CCDC171: variants seen among roughly 807,000 people sequenced by gnomAD.
CCDC171 encodes the protein coiled-coil domain containing 171, also known as coiled-coil domain-containing protein 171.
In CCDC171, 177 loss-of-function variants were observed where a neutral mutation model predicts 168.2. The ratio of observed to expected loss-of-function variants is 1.05; its 90% CI spans 0.93 to 1.19. CCDC171 has a LOEUF of 1.19. CCDC171 is among the 50% of genes most tolerant of loss of function. The pLI is 0.00. For synonymous variants in CCDC171, 687 were observed against 540.8 expected, an observed-to-expected ratio of 1.27 and a Z score of -3.75; for missense variants, 1,991 against 1,539.0, an observed-to-expected ratio of 1.29 and a Z score of -4.91.
chr9:15,668,253 T>G (rs998251977), intron 9 of CCDC171, among the ~76,000 whole-genome samples: 9 of 152,164 alleles, frequency 5.9e-5, no homozygotes, highest in Non-Finnish European at 1.2e-4. Context: ...GAAGAGAGTC[T>G]TATAAAGATT....
intron 12 of CCDC171, among the ~76,000 whole-genome samples, chr9:15,722,166 C>T (rs1269456602): frequency 1.3e-5 from 2 of 152,076 alleles, no homozygotes; most frequent in Admixed American, 1.3e-4. Flanking sequence ...AAACACTATG[C>T]AAGTAGTTTA....
At chr9:15,791,347 C>G (rs1016867417) in intron 21 of CCDC171, among the ~76,000 whole-genome samples, 19 of 151,956 alleles carry the variant, frequency 1.3e-4, no homozygotes, top group African/African-American at 4.4e-4. Context: ...GTATTTTATT[C>G]TCTTTGAAGC....
At chr9:15,950,727 A>G (rs1829048333) in intron 25 of CCDC171, among the ~76,000 whole-genome samples, 1 of 152,106 alleles carries the variant, frequency 6.6e-6, no homozygotes. Flanking sequence ...AATGAGCAAA[A>G]TAACCAGCTA....
intron 7 of CCDC171, among the ~76,000 whole-genome samples, chr9:15,637,810 T>G (rs1056299807): frequency 5.9e-5 from 9 of 152,154 alleles, no homozygotes; most frequent in Non-Finnish European, 2.9e-5. Flanking sequence ...CATCATTTTT[T>G]ATGGCTGCAT....
chr9:15,666,213 A>G lies in CCDC171; in HGVS notation c.966A>G (p.Gln322=). ...EGALQVEKAS[Q]AEAVADLEII... ...CTTTGCAAGTAGAGAAGGCCAGTCA[A>G]GCAGAAGCTGTTGCTGATTTGGAAA... The change falls in exon 9 of 26, where the codon CAA becomes CAG. Residue 322 remains glutamine (Q), a synonymous_variant. Transcript: ENST00000380701. The G allele has an allele frequency of 1.9e-6, 3 of 1,613,968 alleles. No individual in the cohort carries two copies. Among genetic ancestry groups the G allele is most frequent in the Non-Finnish European group, 2.5e-6 (3 of 1,179,924 alleles).
In CCDC171 at chr9:15,729,792, G is replaced by A; in HGVS notation, c.2043G>A (p.Arg681=). Residue 681 remains arginine, a synonymous_variant, in exon 16 of 26, where the codon AGG becomes AGA. Transcript: ENST00000380701. ...AACTCTTCCTGGAGGTGCAGAAGAGGGCACAGGTATGCTACCTTTACAAAG... is the reference window on the plus strand; with the variant it reads ...AACTCTTCCTGGAGGTGCAGAAGAGAGCACAGGTATGCTACCTTTACAAAG... ...YSELFLEVQK[R]AQKFQEIAEK... The A allele has an allele frequency of 1.2e-6, 2 of 1,606,394 alleles. No individual in the cohort carries two copies. The highest frequency in any genetic ancestry group is 1.7e-6 in the Non-Finnish European group (2 of 1,174,884).
chr9:15,634,892 A>G (rs759543010), intron 7 of CCDC171, among the ~76,000 whole-genome samples: 19 of 152,170 alleles, frequency 1.2e-4, no homozygotes, highest in Non-Finnish European at 2.2e-4. Flanking sequence ...GTGGAACTAC[A>G]ATATATGGTC....
At chr9:15,834,537 G>A (rs577400449) in intron 21 of CCDC171, among the ~76,000 whole-genome samples, 2 of 152,260 alleles carry the variant, frequency 1.3e-5, no homozygotes, top group African/African-American at 2.4e-5. Flanking sequence ...TTAACAAATT[G>A]CATTTTATTT....
intron 8 of CCDC171, among the ~76,000 whole-genome samples, chr9:15,663,101 G>C (rs1214536589): frequency 6.6e-6 from 1 of 152,216 alleles, no homozygotes; most frequent in South Asian, 2.1e-4. Context: ...ACTATTTATA[G>C]ATGAGAAGCC....
intron 25 of CCDC171, among the ~76,000 whole-genome samples, chr9:15,962,608 G>T (rs991165477): frequency 1.3e-5 from 2 of 151,686 alleles, no homozygotes; most frequent in Admixed American, 6.6e-5. Flanking sequence ...TACTTGTGGG[G>T]GTTACCATTT....
At chr9:16,102,488 T>TGGGGGGGGGGGGGGGGGGG in the CCDC171 span, among the ~76,000 whole-genome samples, 1 of 50,088 alleles carries the variant, frequency 2.0e-5, no homozygotes, top group South Asian at 7.4e-4. Flanking sequence ...AAACGTGTGT[T>TGGGGGGGGGGGGGGGGGGG]GGGGGGGGGC....
intron 12 of CCDC171, 119 bp downstream of exon 12, chr9:15,721,994 CA>C: frequency 2.5e-6 from 1 of 404,734 alleles, no homozygotes; most frequent in Non-Finnish European, 4.4e-6. Flanking sequence ...TTCACAGATA[CA>C]AAAAATAATA....
intron 20 of CCDC171, among the ~76,000 whole-genome samples, chr9:15,781,534 C>A (rs1360381944): frequency 6.6e-6 from 1 of 152,158 alleles, no homozygotes; most frequent in African/African-American, 2.4e-5. Context: ...TCTCCTGCCT[C>A]AGCAGTAGTT....
At chr9:15,896,714 A>G (rs1489730739) in intron 24 of CCDC171, among the ~76,000 whole-genome samples, 4 of 152,214 alleles carry the variant, frequency 2.6e-5, no homozygotes, top group South Asian at 2.1e-4. Context: ...GTATCTGTGT[A>G]TACACTGCAT....
chr9:16,011,905 G>T (rs904372050), intron 3 of CCDC171, among the ~76,000 whole-genome samples: 1 of 152,120 alleles, frequency 6.6e-6, no homozygotes. Context: ...CTTCTCAAGG[G>T]TTGTGCACTT....
chr9:16,030,265 C>G (rs1833344678), intron 6 of CCDC171, among the ~76,000 whole-genome samples: 2 of 152,094 alleles, frequency 1.3e-5, no homozygotes, highest in Admixed American at 1.3e-4. Context: ...GTAGTGGTAG[C>G]AGCAGCAGTA....
the CCDC171 span, among the ~76,000 whole-genome samples, chr9:16,105,132 C>G: frequency 6.6e-6 from 1 of 152,210 alleles, no homozygotes; most frequent in East Asian, 1.9e-4. Context: ...AGGCTACAGA[C>G]TTCAAATGCA....
At chr9:16,029,810 G>T (rs1425205870) in intron 6 of CCDC171, among the ~76,000 whole-genome samples, 1 of 152,214 alleles carries the variant, frequency 6.6e-6, no homozygotes, top group Non-Finnish European at 1.5e-5. Context: ...CAATGACTGA[G>T]GGGCTTGTAT....
At position 15,971,872 on chromosome 9, in the gene CCDC171, G is replaced by C; in HGVS notation, c.*36G>C. The C allele has an allele frequency of 6.6e-7, 1 of 1,523,072 alleles. No homozygotes were observed. The highest frequency in any genetic ancestry group is 1.4e-5 in the African/African-American group (1 of 72,792). 94.3% of individuals were successfully genotyped at this position (1,523,072 alleles called of 1,614,324 possible). A position where few individuals can be genotyped will look rare whatever the true frequency, so the allele number is the denominator to read the frequency against. On this transcript the variant is annotated 3_prime_UTR_variant, in exon 26 of 26. Coordinates refer to ENST00000380701, the MANE Select transcript of CCDC171 (RefSeq NM_173550.4). ...TTAAAAAATGGAGGAAGAGTTAACA[G>C]TACAATTAAAATTGTTTTGAATGGG... is the stretch of plus-strand genomic sequence containing the variant.
Sources: gnomAD v4.1 joint callset for allele counts (sites outside exome capture counted in the v4.1 genomes callset) on GRCh38, gnomAD v4.1.1 for gene constraint, MANE v1.5 for transcripts, NCBI Gene and HGNC (gene_info 2026-07-23, HGNC 2026-07-21) for gene names.